TSPAN9: variants seen among roughly 807,000 people sequenced by gnomAD.
TSPAN9 encodes tetraspanin-9.
In TSPAN9, 16 loss-of-function variants were observed where a neutral mutation model predicts 31.0. That is an observed-to-expected ratio of 0.52 (90% CI 0.35 to 0.78). The LOEUF (loss-of-function observed/expected upper bound fraction) is 0.78. Ranked by LOEUF, TSPAN9 falls within the 30% of genes least tolerant of loss-of-function variation. The pLI is 0.01. For missense variants in TSPAN9, 272 were observed against 312.5 expected (o/e 0.87, Z 0.98); for synonymous variants, 145 against 121.6 (o/e 1.19, Z -1.27).
chr12:3,139,301 C>T (rs2098333619), intron 2 of TSPAN9, among the ~76,000 whole-genome samples: 1 of 152,172 alleles, frequency 6.6e-6, no homozygotes, highest in South Asian at 2.1e-4. Context: ...TGGTTTTCAG[C>T]AGGTGGCTGA....
In TSPAN9 at chr12:3,143,851, A is replaced by T. The variant is rs2098335946; in HGVS notation, c.-17-57326A>T. Among the ~76,000 whole-genome samples, 1 of 152,152 alleles carries T rather than the reference A, an allele frequency of 6.6e-6. No homozygotes were observed. The highest frequency in any genetic ancestry group is 1.5e-5 in the Non-Finnish European group (1 of 68,016). ...GTTTCTCCTGCCCCAGGCCTGAATC[A>T]ATCACTTCTCTAAGGAGCTCTGCTT... is the stretch of plus-strand genomic sequence containing the variant. On this transcript the variant is annotated intron_variant, in intron 2 of 8. Coordinates refer to ENST00000011898, the MANE Select transcript of TSPAN9 (RefSeq NM_006675.5). The surrounding 1 kb of genome is among the most constrained non-coding windows in gnomAD (Gnocchi z 4.2).
intron 3 of TSPAN9, among the ~76,000 whole-genome samples, chr12:3,220,552 T>C (rs1391777308): frequency 2.0e-5 from 3 of 152,176 alleles, no homozygotes; most frequent in Non-Finnish European, 4.4e-5. Context: ...TCGATTCTGC[T>C]GCACCCGGGC....
chr12:3,276,314 G>A (rs1187939179), intron 3 of TSPAN9, among the ~76,000 whole-genome samples: 1 of 152,204 alleles, frequency 6.6e-6, no homozygotes, highest in Non-Finnish European at 1.5e-5. Flanking sequence ...TCCAGCTCTG[G>A]GACCTTCCCG....
chr12:3,242,230 G>C (rs1339974665), intron 3 of TSPAN9, among the ~76,000 whole-genome samples: 1 of 152,240 alleles, frequency 6.6e-6, no homozygotes, highest in African/African-American at 2.4e-5. Flanking sequence ...GTCATGAGCT[G>C]GGTTGGGATG....
At chr12:3,211,239 A>G (rs550660885) in intron 3 of TSPAN9, among the ~76,000 whole-genome samples, 36 of 152,230 alleles carry the variant, frequency 2.4e-4, no homozygotes, top group African/African-American at 4.6e-4. Context: ...TTTTTCCTCC[A>G]TAGCTCCATT....
At chr12:3,235,362 C>T (rs1442513456) in intron 3 of TSPAN9, among the ~76,000 whole-genome samples, 4 of 147,358 alleles carry the variant, frequency 2.7e-5, no homozygotes, top group African/African-American at 7.5e-5. Flanking sequence ...GAAGCCTGGC[C>T]GGAAGCCTGG....
At chr12:3,149,838 A>G (rs1300436435) in intron 2 of TSPAN9, 1 of 152,220 alleles carries the variant, frequency 6.6e-6, no homozygotes, top group African/African-American at 2.4e-5. Flanking sequence ...TGTATTTCGA[A>G]AAGCTTCCCA....
At position 3,150,301 on chromosome 12, in the gene TSPAN9, A is replaced by G. The variant is rs1337468955; in HGVS notation, c.-17-50876A>G. Among the ~76,000 whole-genome samples the G allele has an allele frequency of 3.9e-5, 6 of 152,148 alleles. No individual in the cohort carries two copies. In the East Asian group the frequency reaches 9.6e-4, roughly 24 times the overall value. On this transcript the variant is annotated intron_variant, in intron 2 of 8. Coordinates refer to ENST00000011898, the MANE Select transcript of TSPAN9 (RefSeq NM_006675.5). ...TAGCTGACTTGATGCTGATGCCCAG[A>G]GAGATTAGGGGGCTTGACTAAGGCC...
In TSPAN9 at chr12:3,120,558, G is replaced by A. The variant is rs192622345; in HGVS notation, c.-18+36839G>A. On this transcript the variant is annotated intron_variant, in intron 2 of 8. Transcript: ENST00000011898. ...CCTCTGGCTTGCCTTCTTTAGCTCA[G>A]CCCTTCCCTGTCCCCTCCTCATCTC... Among the ~76,000 whole-genome samples, 455 of 152,328 alleles carry A rather than the reference G, an allele frequency of 3.0e-3. 7 individuals carry two copies. Among genetic ancestry groups the A allele is most frequent in the Non-Finnish European group, 3.0e-3 (205 of 68,030 alleles).
intron 2 of TSPAN9, among the ~76,000 whole-genome samples, chr12:3,157,968 C>T (rs1203503153): frequency 1.3e-5 from 2 of 152,168 alleles, no homozygotes; most frequent in Non-Finnish European, 2.9e-5. Context: ...TCCATTGTGT[C>T]TTTCTCCCCT....
chr12:3,159,046 G>A (rs1023128272), intron 2 of TSPAN9, among the ~76,000 whole-genome samples: 3 of 151,770 alleles, frequency 2.0e-5, no homozygotes, highest in South Asian at 2.1e-4. Flanking sequence ...GATTGTCTGC[G>A]CTCCCCACCC....
intron 3 of TSPAN9, among the ~76,000 whole-genome samples, chr12:3,204,704 C>G (rs4429136): frequency 6.6e-6 from 1 of 152,044 alleles, no homozygotes; most frequent in Non-Finnish European, 1.5e-5. Context: ...TCCCCTGCCC[C>G]GACTCTCAGG....
rs1214723915 is a variant in TSPAN9 at position 3,286,507 on chromosome 12, A to C, written c.*3391A>C. 3.3e-5 allele frequency: 5 copies of C among 152,310 alleles called. No homozygotes were observed. The highest frequency in any genetic ancestry group is 1.2e-4 in the African/African-American group (5 of 41,356). The allele number at this position is 152,310 out of a possible 1,614,324, so 9.4% of individuals were successfully genotyped here. A position where few individuals can be genotyped will look rare whatever the true frequency, so the allele number is the denominator to read the frequency against. On this transcript the variant is annotated 3_prime_UTR_variant, in exon 9 of 9. Coordinates refer to ENST00000011898, the MANE Select transcript of TSPAN9 (RefSeq NM_006675.5). The surrounding 1 kb of genome is among the most constrained non-coding windows in gnomAD (Gnocchi z 4.1). The stretch of plus-strand genomic sequence containing the variant: ...TTCATCCTGGTCCTGGCTTTATGGA[A>C]CACCATGTTTTTAGCATGTTTTTAA...
rs1365395956 is a variant in TSPAN9 at position 3,280,015 on chromosome 12, A to G, written c.331-367A>G. Among the ~76,000 whole-genome samples, 4 of 123,608 alleles carry G rather than the reference A, an allele frequency of 3.2e-5. No individual in the cohort carries two copies. Among genetic ancestry groups the G allele is most frequent in the African/African-American group, 6.4e-5 (2 of 31,012 alleles). 81.1% of individuals were successfully genotyped at this position (123,608 alleles called of 152,430 possible). On this transcript the variant is annotated intron_variant, in intron 5 of 8. Coordinates refer to ENST00000011898, the MANE Select transcript of TSPAN9 (RefSeq NM_006675.5). This position sits in a 1 kb window ranked among gnomAD's most constrained non-coding sequence, Gnocchi z 4.5. The stretch of plus-strand genomic sequence containing the variant: ...GGGGCAGTCTGTGGGGAAGCTGTGT[A>G]GTGGGGGGCGGGGGTGGCAGAGTGG...
chr12:3,272,664 C>T (rs1046147478), intron 3 of TSPAN9, among the ~76,000 whole-genome samples: 2 of 152,002 alleles, frequency 1.3e-5, no homozygotes, highest in Admixed American at 6.5e-5. Flanking sequence ...TCATCCCTGG[C>T]GAGGGGCCGC....
At chr12:3,103,838 T>C (rs2098312951) in intron 2 of TSPAN9, among the ~76,000 whole-genome samples, 1 of 152,172 alleles carries the variant, frequency 6.6e-6, no homozygotes, top group South Asian at 2.1e-4. Flanking sequence ...CTCCCGGCTC[T>C]GGGGCTGCAG....
chr12:3,106,620 A>G (rs2098314819), intron 2 of TSPAN9, among the ~76,000 whole-genome samples: 2 of 152,098 alleles, frequency 1.3e-5, no homozygotes, highest in Non-Finnish European at 2.9e-5. Flanking sequence ...AAAATAAAAA[A>G]ATTGGCCACA....
intron 3 of TSPAN9, among the ~76,000 whole-genome samples, chr12:3,265,231 G>A (rs371821796): frequency 1.4e-4 from 21 of 152,250 alleles, no homozygotes; most frequent in African/African-American, 5.1e-4. Context: ...CTGAAACTCC[G>A]CATCCTTGTG....
rs1317540642 is a variant in TSPAN9 at position 3,280,412 on chromosome 12, G to C, written c.361G>C (p.Glu121Gln). Residue 121 changes from glutamate (E) to glutamine (Q), a missense_variant, in exon 6 of 9, where the codon GAA (glutamate) becomes CAA (glutamine). By Grantham distance (29) the Glu-to-Gln change is conservative. Coordinates refer to ENST00000011898, the MANE Select transcript of TSPAN9 (RefSeq NM_006675.5). This position sits in a 1 kb window ranked among gnomAD's most constrained non-coding sequence, Gnocchi z 4.5. The stretch of plus-strand genomic sequence containing the variant: ...CGAGAACGCCAAGAAGGACCTGAAG[G>C]AAGGCCTGCTGCTGTACCACACCGA... ...VNENAKKDLKEGLLLYHTENN... is the reference protein window; with the variant it reads ...VNENAKKDLKQGLLLYHTENN... 6.2e-7 allele frequency: 1 copy of C among 1,613,448 alleles called. No individual in the cohort carries two copies. Among genetic ancestry groups the C allele is most frequent in the South Asian group, 1.1e-5 (1 of 91,068 alleles).
Sources: allele counts gnomAD v4.1 joint callset (sites outside exome capture counted in the v4.1 genomes callset), GRCh38; gene constraint gnomAD v4.1.1; non-coding constraint Gnocchi (gnomAD v3.1); transcripts MANE v1.5; gene names NCBI Gene and HGNC (gene_info 2026-07-23, HGNC 2026-07-21).